Variants in TENM2 observed in about 807,000 individuals in gnomAD.
TENM2 encodes teneurin-2.
TENM2 carries 52 observed loss-of-function variants against 245.2 expected under a neutral mutation model. That is an observed-to-expected ratio of 0.21 (90% CI 0.17 to 0.27). The LOEUF is 0.27. Ranked by LOEUF, TENM2 falls within the 10% of genes least tolerant of loss-of-function variation. The pLI is 1.00. For missense variants in TENM2, 3,046 were observed against 3,666.8 expected, an observed-to-expected ratio of 0.83 and a Z score of 4.37; for synonymous variants, 1,363 against 1,438.9, an observed-to-expected ratio of 0.95 and a Z score of 1.19.
At chr5:168,020,515 A>G (rs897201379) in intron 5 of TENM2, among the ~76,000 whole-genome samples, 4 of 152,024 alleles carry the variant, frequency 2.6e-5, no homozygotes, top group Non-Finnish European at 5.9e-5. Flanking sequence ...TGACGTCGTC[A>G]TTTTATCTTG....
At chr5:167,255,741 A>G in the TENM2 span, among the ~76,000 whole-genome samples, 1 of 152,186 alleles carries the variant, frequency 6.6e-6, no homozygotes, top group Admixed American at 6.6e-5. Context: ...AAAATCCTCA[A>G]ATAGAAAATA....
the TENM2 span, among the ~76,000 whole-genome samples, chr5:167,030,375 C>G: frequency 6.6e-6 from 1 of 152,120 alleles, no homozygotes; most frequent in Admixed American, 6.6e-5. Flanking sequence ...AATTGGTAGC[C>G]ACAACAGCCC....
chr5:168,225,175 G>A (rs370190623), intron 23 of TENM2, among the ~76,000 whole-genome samples: 12 of 152,218 alleles, frequency 7.9e-5, no homozygotes, highest in Middle Eastern at 3.4e-3. Flanking sequence ...GAGCCATGGC[G>A]GTTTAGTGGG....
At chr5:167,420,668 C>T (rs888622099) in intron 2 of TENM2, among the ~76,000 whole-genome samples, 5 of 152,130 alleles carry the variant, frequency 3.3e-5, no homozygotes, top group African/African-American at 1.2e-4. Flanking sequence ...CCACCCTGAC[C>T]ATTGTGTAAA....
At chr5:168,075,703 G>A (rs1328739305) in intron 7 of TENM2, among the ~76,000 whole-genome samples, 1 of 152,178 alleles carries the variant, frequency 6.6e-6, no homozygotes, top group Non-Finnish European at 1.5e-5. Flanking sequence ...GTATTAGTCT[G>A]TTCTCATGCT....
intron 2 of TENM2, among the ~76,000 whole-genome samples, chr5:167,413,366 C>T (rs1763006809): frequency 1.3e-5 from 2 of 152,054 alleles, no homozygotes; most frequent in Non-Finnish European, 1.5e-5. Flanking sequence ...CCATGTTTGT[C>T]AGACTAACTC....
intron 2 of TENM2, among the ~76,000 whole-genome samples, chr5:167,667,617 G>A (rs936649556): frequency 2.0e-5 from 3 of 152,176 alleles, no homozygotes; most frequent in African/African-American, 7.2e-5. Flanking sequence ...GAAAGAAGGA[G>A]GGAGGTTGGA....
intron 1 of TENM2, among the ~76,000 whole-genome samples, chr5:167,305,687 A>G (rs981870388): frequency 5.3e-5 from 8 of 152,248 alleles, no homozygotes; most frequent in East Asian, 1.9e-4. Context: ...TCAGCATTCT[A>G]TGGCAGGGAT....
chr5:168,044,531 A>G (rs1478125412), intron 5 of TENM2, among the ~76,000 whole-genome samples: 1 of 152,194 alleles, frequency 6.6e-6, no homozygotes, highest in Non-Finnish European at 1.5e-5. Flanking sequence ...TTATAAGCAT[A>G]TAACATCCTA....
At chr5:167,205,381 A>G in the TENM2 span, among the ~76,000 whole-genome samples, 1 of 152,314 alleles carries the variant, frequency 6.6e-6, no homozygotes, top group East Asian at 1.9e-4. Context: ...ACTCTGTCTC[A>G]AAAAATAAAA....
chr5:167,914,401 G>A (rs1776771118), intron 3 of TENM2, among the ~76,000 whole-genome samples: 1 of 152,090 alleles, frequency 6.6e-6, no homozygotes, highest in Admixed American at 6.5e-5. Context: ...ATTAGACTGA[G>A]TCTTTCTCAT....
chr5:167,466,483 T>A (rs1056847192), intron 2 of TENM2, among the ~76,000 whole-genome samples: 2 of 152,242 alleles, frequency 1.3e-5, no homozygotes, highest in Non-Finnish European at 2.9e-5. Flanking sequence ...CAAATTTATG[T>A]GTGCTACTGT....
At chr5:168,002,021 A>G (rs997497427) in intron 5 of TENM2, among the ~76,000 whole-genome samples, 9 of 152,270 alleles carry the variant, frequency 5.9e-5, no homozygotes, top group African/African-American at 2.2e-4. Flanking sequence ...AAAGAGTTTT[A>G]CTAAAGAAAA....
chr5:168,052,617 A>T (rs1789205160), intron 6 of TENM2, among the ~76,000 whole-genome samples: 1 of 152,106 alleles, frequency 6.6e-6, no homozygotes, highest in Admixed American at 6.6e-5. Context: ...CATTGGCTTG[A>T]TGAGGTCAGT....
At chr5:167,495,996 A>G (rs1434561491) in intron 2 of TENM2, among the ~76,000 whole-genome samples, 4 of 152,054 alleles carry the variant, frequency 2.6e-5, no homozygotes, top group Admixed American at 2.6e-4. Flanking sequence ...ACCATATACA[A>G]AACCAGAATG....
intron 9 of TENM2, among the ~76,000 whole-genome samples, chr5:168,112,777 G>A (rs919116474): frequency 9.2e-5 from 14 of 152,154 alleles, no homozygotes; most frequent in African/African-American, 2.7e-4. Flanking sequence ...AGGGGTCACC[G>A]AGCTTTGTTT....
chr5:167,509,686 G>C (rs1402280276), intron 2 of TENM2, among the ~76,000 whole-genome samples: 1 of 152,122 alleles, frequency 6.6e-6, no homozygotes, highest in Non-Finnish European at 1.5e-5. Context: ...AGCGAACATT[G>C]ACTGAGCACT....
chr5:168,178,612 A>G (rs1385857812), intron 13 of TENM2, among the ~76,000 whole-genome samples: 3 of 144,184 alleles, frequency 2.1e-5, no homozygotes, highest in Admixed American at 6.7e-5. Flanking sequence ...TTCTGGGTTG[A>G]GAGTCAGCAG....
At chr5:167,575,874 T>A (rs914484248) in intron 2 of TENM2, among the ~76,000 whole-genome samples, 24 of 152,170 alleles carry the variant, frequency 1.6e-4, no homozygotes, top group Admixed American at 1.0e-3. Flanking sequence ...TTTCTCAAAT[T>A]CAATCTCGTT....
Sources: gnomAD v4.1 joint callset for allele counts (sites outside exome capture counted in the v4.1 genomes callset) on GRCh38, gnomAD v4.1.1 for gene constraint, MANE v1.5 for transcripts, NCBI Gene and HGNC (gene_info 2026-07-23, HGNC 2026-07-21) for gene names.